DNAH14: variants seen among roughly 807,000 people sequenced by gnomAD.
The protein encoded by DNAH14 is axonemal beta dynein heavy chain 14.
DNAH14 carries 478 observed loss-of-function variants against 520.9 expected under a neutral mutation model. That is an observed-to-expected ratio of 0.92 (90% confidence interval 0.85 to 0.99). The LOEUF is 0.99. Ranked by LOEUF, DNAH14 falls within the 50% of genes least tolerant of loss-of-function variation. The pLI, the probability that DNAH14 is intolerant of heterozygous loss-of-function variation, is 0.00. For synonymous variants in DNAH14, 1,581 were observed against 1,757.2 expected (o/e 0.90, Z 2.51); for missense variants, 4,831 against 5,234.5 (o/e 0.92, Z 2.38).
At chr1:225,283,354 C>T (rs2149937173) in intron 54 of DNAH14, among the ~76,000 whole-genome samples, 1 of 150,122 alleles carries the variant, frequency 6.7e-6, no homozygotes, top group South Asian at 2.1e-4. Context: ...TCCATGCAAA[C>T]AATTACCACA....
At chr1:225,054,838 T>G (rs1329179599) in intron 17 of DNAH14, among the ~76,000 whole-genome samples, 1 of 152,172 alleles carries the variant, frequency 6.6e-6, no homozygotes, top group Non-Finnish European at 1.5e-5. Flanking sequence ...ATTTTTTATA[T>G]TCTCCTTAAG....
intron 18 of DNAH14, 25 bp from the exon 19 acceptor site, chr1:225,080,354 A>C: frequency 1.3e-6 from 2 of 1,492,764 alleles, no homozygotes; most frequent in Non-Finnish European, 1.8e-6. Flanking sequence ...GATTTCTCTT[A>C]GAAAGTCCTA....
intron 1 of DNAH14, among the ~76,000 whole-genome samples, chr1:224,950,609 A>C (rs2060105461): frequency 6.6e-6 from 1 of 152,226 alleles, no homozygotes; most frequent in Admixed American, 6.5e-5. Flanking sequence ...GGTAATGATG[A>C]GAGCATGAAT....
intron 75 of DNAH14, among the ~76,000 whole-genome samples, 165 bp from the exon 76 acceptor site, chr1:225,364,625 CGT>C (rs1307927995): frequency 4.6e-5 from 7 of 152,032 alleles, no homozygotes; most frequent in Non-Finnish European, 4.4e-5. Flanking sequence ...ACTGATGGGT[CGT>C]GTGCAAATTC....
At chr1:225,201,953 G>A (rs2086898689) in intron 38 of DNAH14, among the ~76,000 whole-genome samples, 1 of 140,942 alleles carries the variant, frequency 7.1e-6, no homozygotes, top group Non-Finnish European at 1.5e-5. Flanking sequence ...TCAGCTCACT[G>A]CAACCTCTGC....
intron 55 of DNAH14, among the ~76,000 whole-genome samples, chr1:225,299,948 C>G (rs1251337797): frequency 6.6e-6 from 1 of 152,174 alleles, no homozygotes; most frequent in East Asian, 1.9e-4. Flanking sequence ...CTATCAGTGT[C>G]TGAGTCTCCT....
At chr1:225,109,653 A>G (rs1361177620) in intron 23 of DNAH14, among the ~76,000 whole-genome samples, 1 of 152,092 alleles carries the variant, frequency 6.6e-6, no homozygotes, top group Non-Finnish European at 1.5e-5. Flanking sequence ...TCTGCAAACA[A>G]GGAGAGTTTG....
intron 77 of DNAH14, among the ~76,000 whole-genome samples, chr1:225,368,616 C>T (rs1488201491): frequency 5.3e-5 from 8 of 152,046 alleles, no homozygotes; most frequent in South Asian, 2.1e-4. Context: ...TTAAGTTTTT[C>T]CCGGGTTAAT....
chr1:224,995,315 T>C (rs1227650798), intron 8 of DNAH14, among the ~76,000 whole-genome samples: 6 of 152,144 alleles, frequency 3.9e-5, no homozygotes, highest in African/African-American at 1.2e-4. Context: ...GGGGAAAATA[T>C]TTTTGGCTTG....
chr1:225,269,800 G>A (rs112378202), intron 49 of DNAH14, among the ~76,000 whole-genome samples: 8,746 of 152,220 alleles, frequency 0.057, 484 homozygotes, highest in East Asian at 0.23. Context: ...TTAGAATGGC[G>A]ATCATTAAAA....
intron 8 of DNAH14, among the ~76,000 whole-genome samples, chr1:224,978,252 A>G (rs568908334): frequency 1.3e-5 from 2 of 152,378 alleles, no homozygotes; most frequent in East Asian, 3.9e-4. Context: ...CAAGATAGGA[A>G]TCAATCTAAA....
intron 27 of DNAH14, among the ~76,000 whole-genome samples, chr1:225,139,181 A>C (rs981903044): frequency 6.6e-6 from 1 of 152,182 alleles, no homozygotes; most frequent in African/African-American, 2.4e-5. Context: ...TCTTAAGCTG[A>C]GGAACTTACC....
At chr1:224,978,571 G>C (rs1245197823) in intron 8 of DNAH14, among the ~76,000 whole-genome samples, 1 of 152,152 alleles carries the variant, frequency 6.6e-6, no homozygotes, top group Non-Finnish European at 1.5e-5. Context: ...AAGTTGTAGT[G>C]TTCTATAGCT....
intron 1 of DNAH14, among the ~76,000 whole-genome samples, chr1:224,931,252 T>C (rs1224749701): frequency 2.0e-5 from 3 of 152,170 alleles, no homozygotes; most frequent in Non-Finnish European, 4.4e-5. Flanking sequence ...AGCTGTACAA[T>C]GTGTGTTTTA....
intron 1 of DNAH14, among the ~76,000 whole-genome samples, chr1:224,952,078 A>G (rs577942641): frequency 9.9e-5 from 15 of 152,272 alleles, no homozygotes; most frequent in African/African-American, 3.6e-4. Context: ...TTTTGCCTTT[A>G]ATTCTTCAGT....
intron 35 of DNAH14, among the ~76,000 whole-genome samples, chr1:225,163,022 C>T (rs2081671779): frequency 6.6e-6 from 1 of 151,106 alleles, no homozygotes; most frequent in Admixed American, 6.6e-5. Flanking sequence ...CCTGTAATCC[C>T]AGCTACTGGG....
At position 225,389,977 on chromosome 1, in the gene DNAH14, C is replaced by G. The variant is rs955850702; in HGVS notation, c.13330+104C>G. On this transcript the variant is annotated intron_variant, in intron 83 of 85. Transcript: ENST00000682510. ...CTCCTCCCCTTTAGGATGACAACAC[C>G]TGCGCCTCCACAGGTGCCTGGGTCT... 1.4e-5 allele frequency: 15 copies of G among 1,043,512 alleles called. 1 individual carries two copies. The Admixed American group carries it at 2.2e-4, about 15-fold the overall frequency. 64.6% of individuals were successfully genotyped at this position (1,043,512 alleles called of 1,614,324 possible). A position where few individuals can be genotyped will look rare whatever the true frequency, so the allele number is the denominator to read the frequency against.
intron 75 of DNAH14, among the ~76,000 whole-genome samples, chr1:225,362,369 G>A (rs192780814): frequency 3.0e-4 from 45 of 152,296 alleles, no homozygotes; most frequent in African/African-American, 7.2e-4. Context: ...GAAGTCAGGC[G>A]TCTGAGACCA....
chr1:225,358,231 A>C (rs1178301247), intron 73 of DNAH14, among the ~76,000 whole-genome samples: 1 of 152,140 alleles, frequency 6.6e-6, no homozygotes, highest in African/African-American at 2.4e-5. Flanking sequence ...GGATCTTTAC[A>C]AACAAAGCAA....
Sources: gnomAD v4.1 joint callset for allele counts (sites outside exome capture counted in the v4.1 genomes callset) on GRCh38, gnomAD v4.1.1 for gene constraint, MANE v1.5 for transcripts, NCBI Gene and HGNC (gene_info 2026-07-23, HGNC 2026-07-21) for gene names.